SNX24: variants seen among roughly 807,000 people sequenced by gnomAD.
The protein encoded by SNX24 is sorting nexin 24, also known as sorting nexin-24.
In SNX24, 22 loss-of-function variants were observed where a neutral mutation model predicts 28.7. The observed-to-expected ratio is 0.77, with a 90% CI of 0.55 to 1.10. SNX24 has a LOEUF of 1.10. Ranked by LOEUF, SNX24 falls within the 50% of genes least tolerant of loss-of-function variation. The pLI is 0.00. For missense variants in SNX24, 221 were observed against 201.1 expected, an observed-to-expected ratio of 1.10 and a Z score of -0.60; for synonymous variants, 69 against 71.5, an observed-to-expected ratio of 0.96 and a Z score of 0.18.
intron 1 of SNX24, among the ~76,000 whole-genome samples, chr5:122,881,089 C>T (rs1393114103): frequency 6.6e-6 from 1 of 152,150 alleles, no homozygotes; most frequent in East Asian, 1.9e-4. Flanking sequence ...ACTCAGGATG[C>T]AGCTGGTTTG....
intron 3 of SNX24, among the ~76,000 whole-genome samples, chr5:122,987,638 G>A (rs1761660681): frequency 6.6e-6 from 1 of 152,112 alleles, no homozygotes; most frequent in Non-Finnish European, 1.5e-5. Flanking sequence ...GTGGTTCAGG[G>A]GACTGATTCT....
chr5:122,858,093 A>G (rs1755291933), intron 1 of SNX24, among the ~76,000 whole-genome samples: 1 of 152,126 alleles, frequency 6.6e-6, no homozygotes. Context: ...TTTGATGGAT[A>G]TTTAGGTTGA....
At position 122,935,379 on chromosome 5, in the gene SNX24, T is replaced by TA. The variant is rs557116449; in HGVS notation, c.61-1347dup. Among the ~76,000 whole-genome samples, 346 of 152,068 alleles carry TA rather than the reference T, an allele frequency of 2.3e-3. 1 individual carries two copies. In the Middle Eastern group the frequency reaches 0.027, roughly 12 times the overall value. On this transcript the variant is annotated intron_variant, in intron 1 of 6. Transcript: ENST00000261369. ...ATTAATAAACAGATTTTTTTTTTCC[T>TA]AAAAAAAATCTAAGAATATCTGAGA... is the stretch of plus-strand genomic sequence containing the variant.
At chr5:122,894,762 C>T (rs1023578116) in intron 1 of SNX24, among the ~76,000 whole-genome samples, 6 of 152,132 alleles carry the variant, frequency 3.9e-5, no homozygotes, top group Admixed American at 2.0e-4. Context: ...AGAAAAGTGG[C>T]GCAGTACCTA....
intron 1 of SNX24, among the ~76,000 whole-genome samples, chr5:122,925,848 T>A (rs763194718): frequency 6.6e-6 from 1 of 152,210 alleles, no homozygotes; most frequent in Non-Finnish European, 1.5e-5. Flanking sequence ...CAACCTGCTG[T>A]GTTGCAAGGT....
intron 3 of SNX24, among the ~76,000 whole-genome samples, chr5:122,948,278 T>A (rs888127645): frequency 6.6e-6 from 1 of 152,140 alleles, no homozygotes; most frequent in African/African-American, 2.4e-5. Flanking sequence ...GCATTACTGT[T>A]TCTTCTGCTT....
intron 1 of SNX24, 96 bp downstream of exon 1, chr5:122,845,789 G>C (rs970237969): frequency 3.0e-6 from 2 of 665,440 alleles, no homozygotes; most frequent in Admixed American, 4.4e-5. Flanking sequence ...TTGGCGCAGG[G>C]GGTCCCCTCG....
At chr5:123,019,120 T>TA (rs1762727725) in intron 5 of SNX24, among the ~76,000 whole-genome samples, 1 of 152,216 alleles carries the variant, frequency 6.6e-6, no homozygotes, top group East Asian at 1.9e-4. Context: ...AGAATGTCAG[T>TA]AACACTAGCA....
intron 3 of SNX24, among the ~76,000 whole-genome samples, chr5:122,949,867 T>G (rs1272236505): frequency 6.6e-6 from 1 of 151,802 alleles, no homozygotes; most frequent in African/African-American, 2.4e-5. Flanking sequence ...AGAATCAAAA[T>G]CTATAATTAA....
rs529938532 is a variant in SNX24 at position 122,855,042 on chromosome 5, A to G, written c.60+9349A>G. On this transcript the variant is annotated intron_variant, in intron 1 of 6. Transcript: ENST00000261369. ...TGACTGATCAGGGTGGTGGTTGCAA[A>G]AGGTTGGTGGCTGTGCCAATTTCTT... Among the ~76,000 whole-genome samples, 14 of 151,954 alleles carry G rather than the reference A, an allele frequency of 9.2e-5. No homozygotes were observed. In the South Asian group the frequency reaches 2.5e-3, roughly 27 times the overall value.
intron 1 of SNX24, among the ~76,000 whole-genome samples, chr5:122,862,601 CA>C (rs1211312668): frequency 0.066 from 3,688 of 56,014 alleles, 61 homozygotes; most frequent in East Asian, 0.091. Flanking sequence ...GACTCTGTCT[CA>C]AAAAAAAAAA....
At chr5:122,849,798 G>A (rs966295553) in intron 1 of SNX24, among the ~76,000 whole-genome samples, 3 of 152,188 alleles carry the variant, frequency 2.0e-5, no homozygotes, top group Admixed American at 2.0e-4. Flanking sequence ...GCTAGGTAGT[G>A]TCCATCTCCA....
In SNX24 at chr5:123,023,812, AC is replaced by A. The variant is rs2150187886; in HGVS notation, n.384-5425del. 61 of 1,495,574 alleles carry A rather than the reference AC, an allele frequency of 4.1e-5. No homozygotes were observed. In the South Asian group the frequency reaches 7.3e-4, roughly 18 times the overall value. The allele number at this position is 1,495,574 out of a possible 1,614,324, so 92.6% of individuals were successfully genotyped here. ...AAATAATTGAAAGACAACACAACAC[AC>A]ACACACACACACACACACACACACC... On this transcript the variant is annotated intron_variant and non_coding_transcript_variant, in intron 5 of 5. Coordinates refer to the SNX24 transcript ENST00000502387.
downstream of SNX24, among the ~76,000 whole-genome samples, chr5:123,009,767 A>T (rs1762530869): frequency 6.6e-6 from 1 of 152,240 alleles, no homozygotes; most frequent in South Asian, 2.1e-4. Flanking sequence ...ATCTGTTGGA[A>T]GGGTGAGAGG....
chr5:122,992,307 T>G (rs182776427), intron 3 of SNX24, among the ~76,000 whole-genome samples: 15 of 152,288 alleles, frequency 9.8e-5, no homozygotes, highest in African/African-American at 3.1e-4. Flanking sequence ...GATTGTGTCA[T>G]GTACAGTGAG....
rs975285035 is a variant in SNX24 at position 123,008,641 on chromosome 5, G to A, written c.*892G>A. 1 of 157,888 alleles carries A rather than the reference G, an allele frequency of 6.3e-6. No homozygotes were observed. Among genetic ancestry groups the A allele is most frequent in the African/African-American group, 2.4e-5 (1 of 41,458 alleles). The allele number at this position is 157,888 out of a possible 1,614,324, so 9.8% of individuals were successfully genotyped here. A position where few individuals can be genotyped will look rare whatever the true frequency, so the allele number is the denominator to read the frequency against. The stretch of plus-strand genomic sequence containing the variant: ...GCCCCGCTAGTGGCAGATGTGAACT[G>A]ACAAGGAGTGAAGCGCCCACCCAGC... On this transcript the variant is annotated 3_prime_UTR_variant, in exon 7 of 7. Coordinates refer to ENST00000261369, the MANE Select transcript of SNX24 (RefSeq NM_014035.4).
chr5:122,907,076 C>T (rs530180398), intron 1 of SNX24, among the ~76,000 whole-genome samples: 21 of 152,260 alleles, frequency 1.4e-4, no homozygotes, highest in Non-Finnish European at 2.4e-4. Flanking sequence ...TTTAATCCTA[C>T]GTCATTTTCT....
At chr5:122,946,370 G>A (rs1427085896) in intron 3 of SNX24, among the ~76,000 whole-genome samples, 1 of 152,188 alleles carries the variant, frequency 6.6e-6, no homozygotes, top group Non-Finnish European at 1.5e-5. Context: ...TTGGGGAAGT[G>A]AAATTTCAAT....
At chr5:122,872,337 A>G (rs990093728) in intron 1 of SNX24, among the ~76,000 whole-genome samples, 10 of 152,186 alleles carry the variant, frequency 6.6e-5, no homozygotes, top group African/African-American at 2.2e-4. Context: ...ATCACAGAAT[A>G]TTCCAACTAC....
Sources: allele counts gnomAD v4.1 joint callset (sites outside exome capture counted in the v4.1 genomes callset), GRCh38; gene constraint gnomAD v4.1.1; transcripts MANE v1.5; gene names NCBI Gene and HGNC (gene_info 2026-07-23, HGNC 2026-07-21).